The following STK3 variants were observed in gnomAD, a reference collection of about 807,000 sequenced individuals.
STK3 encodes the protein serine/threonine-protein kinase 3.
Under a neutral mutation model 58.0 loss-of-function variants are expected in STK3, and 41 were observed. That is an observed-to-expected ratio of 0.71 (90% CI 0.55 to 0.92). The LOEUF is 0.92. Among genes scored for constraint, STK3 ranks in the 40% least tolerant of loss-of-function variants. The pLI is 0.00. For synonymous variants in STK3, 170 were observed against 191.0 expected (o/e 0.89, Z 0.91); for missense variants, 479 against 602.7 (o/e 0.79, Z 2.15).
chr8:98,488,273 A>C (rs1028413699), intron 10 of STK3, among the ~76,000 whole-genome samples: 1 of 152,322 alleles, frequency 6.6e-6, no homozygotes, highest in East Asian at 1.9e-4. Context: ...CAGTCATTTT[A>C]TTGAGATAAA....
intron 6 of STK3, among the ~76,000 whole-genome samples, chr8:98,703,705 GACACTCATTCATTAAA>G (rs560898973): frequency 6.6e-6 from 1 of 152,090 alleles, no homozygotes; most frequent in South Asian, 2.1e-4. Context: ...ATCCTTCTAA[GACACTCATTCATTAAA>G]ACCCAAACCC....
At chr8:98,751,734 G>T (rs1041311823) in intron 3 of STK3, among the ~76,000 whole-genome samples, 6 of 152,174 alleles carry the variant, frequency 3.9e-5, no homozygotes, top group Non-Finnish European at 5.9e-5. Flanking sequence ...GAGGTCAGGA[G>T]TTTCAGATCA....
At chr8:98,806,858 C>T (rs926499737) in intron 1 of STK3, among the ~76,000 whole-genome samples, 4 of 151,946 alleles carry the variant, frequency 2.6e-5, no homozygotes, top group South Asian at 2.1e-4. Context: ...GGGCTGAACA[C>T]GGTAAGATTA....
chr8:98,418,521 G>A (rs1360829761), intron 3 of STK3, among the ~76,000 whole-genome samples: 1 of 152,180 alleles, frequency 6.6e-6, no homozygotes, highest in Non-Finnish European at 1.5e-5. Context: ...TGGGTGGGCA[G>A]GTGTCACTTT....
chr8:98,687,248 C>T (rs544374178), intron 6 of STK3, among the ~76,000 whole-genome samples: 40 of 152,250 alleles, frequency 2.6e-4, no homozygotes, highest in African/African-American at 7.0e-4. Flanking sequence ...GTTTCGTGGA[C>T]GACAAGTTTT....
At chr8:98,870,671 C>T (rs2131874317) in intron 3 of STK3, among the ~76,000 whole-genome samples, 1 of 152,216 alleles carries the variant, frequency 6.6e-6, no homozygotes, top group African/African-American at 2.4e-5. Flanking sequence ...TATCCTTTGC[C>T]CACTTTTTGT....
chr8:98,878,288 A>G (rs954132013), intron 3 of STK3, among the ~76,000 whole-genome samples: 1 of 152,112 alleles, frequency 6.6e-6, no homozygotes, highest in Non-Finnish European at 1.5e-5. Flanking sequence ...CCTGGCCTCA[A>G]GTGATCCACC....
chr8:98,721,336 T>A (rs1168514917), intron 4 of STK3, among the ~76,000 whole-genome samples: 2 of 152,068 alleles, frequency 1.3e-5, no homozygotes, highest in Non-Finnish European at 2.9e-5. Context: ...TACATAAGCT[T>A]AGAATACATA....
intron 7 of STK3, among the ~76,000 whole-genome samples, chr8:98,586,717 T>A (rs573975318): frequency 6.6e-6 from 1 of 151,728 alleles, no homozygotes; most frequent in South Asian, 2.1e-4. Flanking sequence ...GCTGTGAATC[T>A]GTCTGGTCCT....
intron 1 of STK3, among the ~76,000 whole-genome samples, chr8:98,918,201 T>G (rs1277186174): frequency 6.6e-6 from 1 of 152,216 alleles, no homozygotes; most frequent in Non-Finnish European, 1.5e-5. Flanking sequence ...ATGAATTGCT[T>G]GCTCGATAGT....
At position 98,454,716 on chromosome 8, in the gene STK3, T is replaced by C. The variant is rs1299899648; in HGVS notation, c.*1126A>G. On this transcript the variant is annotated 3_prime_UTR_variant, in exon 11 of 11. Coordinates refer to ENST00000419617, the MANE Select transcript of STK3 (RefSeq NM_006281.4). ...CACAAAAGAAAAAACACTGTCAAGATGGCCATATGTAGCTTAGGAAATGAC... is the reference window on the plus strand; with the variant it reads ...CACAAAAGAAAAAACACTGTCAAGACGGCCATATGTAGCTTAGGAAATGAC... The C allele has an allele frequency of 1.3e-5, 2 of 152,640 alleles. No homozygotes were observed. Among genetic ancestry groups the C allele is most frequent in the African/African-American group, 2.4e-5 (1 of 41,456 alleles). 9.5% of individuals were successfully genotyped at this position (152,640 alleles called of 1,614,324 possible).
intron 6 of STK3, among the ~76,000 whole-genome samples, chr8:98,691,342 T>C (rs1824388813): frequency 6.6e-6 from 1 of 152,212 alleles, no homozygotes; most frequent in Non-Finnish European, 1.5e-5. Context: ...TAATGCAAAG[T>C]ACATATATAT....
At chr8:98,901,489 G>A (rs185213999) in intron 1 of STK3, among the ~76,000 whole-genome samples, 59 of 152,340 alleles carry the variant, frequency 3.9e-4, no homozygotes, top group Admixed American at 2.4e-3. Context: ...GCCTGGGAGC[G>A]GGAAGGCTCT....
intron 1 of STK3, among the ~76,000 whole-genome samples, chr8:98,927,223 C>A (rs916232806): frequency 6.6e-6 from 1 of 152,196 alleles, no homozygotes; most frequent in African/African-American, 2.4e-5. Context: ...TACTGGAGGG[C>A]AGAGCTGAGG....
chr8:98,450,938 T>C, downstream of STK3, among the ~76,000 whole-genome samples: 1 of 152,180 alleles, frequency 6.6e-6, no homozygotes, highest in East Asian at 1.9e-4. Context: ...GCAAAGATTT[T>C]AGAGACAGAT....
At chr8:98,869,027 GA>G (rs1837253392) in intron 3 of STK3, among the ~76,000 whole-genome samples, 1 of 42,448 alleles carries the variant, frequency 2.4e-5, no homozygotes, top group Non-Finnish European at 5.3e-5. Flanking sequence ...AGGAAAGAAG[GA>G]AGGAAGGAAG....
chr8:98,721,078 C>T, intron 4 of STK3: 1 of 984,928 alleles, frequency 1.0e-6, no homozygotes, highest in Non-Finnish European at 1.2e-6. Flanking sequence ...ACTCACCTGG[C>T]CAATAATTTT....
At chr8:98,869,486 G>T (rs1367260096) in intron 3 of STK3, among the ~76,000 whole-genome samples, 1 of 152,046 alleles carries the variant, frequency 6.6e-6, no homozygotes, top group Non-Finnish European at 1.5e-5. Flanking sequence ...AATAATATGG[G>T]CAGGCCTTAA....
intron 6 of STK3, among the ~76,000 whole-genome samples, chr8:98,643,763 C>T (rs545681751): frequency 6.6e-6 from 1 of 152,264 alleles, no homozygotes; most frequent in African/African-American, 2.4e-5. Context: ...ATAATCTCAG[C>T]ACTCTGGGAG....
Sources: gnomAD v4.1 joint callset for allele counts (sites outside exome capture counted in the v4.1 genomes callset) on GRCh38, gnomAD v4.1.1 for gene constraint, MANE v1.5 for transcripts, NCBI Gene and HGNC (gene_info 2026-07-23, HGNC 2026-07-21) for gene names.